Variants in DKK2 observed in about 807,000 individuals in gnomAD.
DKK2 encodes the protein dickkopf-related protein 2.
A neutral mutation model predicts 28.1 loss-of-function variants in DKK2; 11 were observed. That is an observed-to-expected ratio of 0.39 (90% CI 0.25 to 0.65). The LOEUF is 0.65. DKK2 is among the 30% of genes least tolerant of loss of function. DKK2 has a pLI of 0.47. For synonymous variants in DKK2, 135 were observed against 126.5 expected, an observed-to-expected ratio of 1.07 and a Z score of -0.45; for missense variants, 326 against 335.5, an observed-to-expected ratio of 0.97 and a Z score of 0.22.
chr4:106,964,373 G>A (rs935355697), intron 1 of DKK2, among the ~76,000 whole-genome samples: 2 of 152,022 alleles, frequency 1.3e-5, no homozygotes, highest in African/African-American at 4.8e-5. Context: ...GGGGAGAGCA[G>A]GATAAAGAAG....
intron 1 of DKK2, among the ~76,000 whole-genome samples, chr4:106,983,070 A>C (rs1169407415): frequency 2.6e-5 from 4 of 151,236 alleles, no homozygotes; most frequent in Non-Finnish European, 5.9e-5. Context: ...AGAAAGAAAG[A>C]AAAAAGAAAG....
chr4:107,007,614 C>T (rs1010408910), intron 1 of DKK2, among the ~76,000 whole-genome samples: 22 of 152,188 alleles, frequency 1.4e-4, no homozygotes, highest in African/African-American at 2.4e-4. Flanking sequence ...TGAACATGCT[C>T]GTAAATCTGA....
At position 106,924,026 on chromosome 4, in the gene DKK2, G is replaced by T. The variant is rs773296323; in HGVS notation, c.708C>A (p.Gly236=). The stretch of plus-strand genomic sequence containing the variant: ...CATCTTTCCATACTTTGCAAGACAG[G>T]CCCTTCGCACAGTCGCAACGCTGGA... ...EIFQRCDCAK[G]LSCKVWKDAT... Residue 236 remains glycine, a synonymous_variant, in exon 4 of 4, where the codon GGC becomes GGA. Coordinates refer to ENST00000285311, the MANE Select transcript of DKK2 (RefSeq NM_014421.3). 1.9e-6 allele frequency: 3 copies of T among 1,613,928 alleles called. No individual in the cohort carries two copies. The South Asian group carries it at 3.3e-5, about 18-fold the overall frequency.
intron 1 of DKK2, among the ~76,000 whole-genome samples, chr4:107,004,754 A>G (rs1336903888): frequency 6.6e-6 from 1 of 152,224 alleles, no homozygotes; most frequent in Admixed American, 6.5e-5. Flanking sequence ...ATATCTGGGA[A>G]TTAATATAAA....
At chr4:106,966,398 CAATGAAATAT>C (rs1722781538) in intron 1 of DKK2, among the ~76,000 whole-genome samples, 1 of 152,104 alleles carries the variant, frequency 6.6e-6, no homozygotes, top group Non-Finnish European at 1.5e-5. Flanking sequence ...ACATTTTACA[CAATGAAATAT>C]ATATAAGAAT....
At chr4:106,956,421 T>C (rs910369922) in intron 1 of DKK2, among the ~76,000 whole-genome samples, 8 of 152,032 alleles carry the variant, frequency 5.3e-5, no homozygotes, top group Admixed American at 4.6e-4. Flanking sequence ...CATATGGAAC[T>C]AAAAAAGAGC....
chr4:107,028,826 T>C lies in DKK2; in HGVS notation c.222+6544A>G, dbSNP rs140556362. 2.0e-3 allele frequency among the ~76,000 whole-genome samples: 298 copies of C among 152,240 alleles called. 1 individual carries two copies. Among genetic ancestry groups the C allele is most frequent in the African/African-American group, 6.7e-3 (279 of 41,544 alleles). ...AAACAAAGCCATTGCAGAGAAACCA[T>C]TGGGAAAGCCTGTGCTTCTCTGTCA... On this transcript the variant is annotated intron_variant, in intron 1 of 3. Transcript: ENST00000285311.
At chr4:106,957,272 T>C (rs1408795173) in intron 1 of DKK2, among the ~76,000 whole-genome samples, 2 of 150,268 alleles carry the variant, frequency 1.3e-5, no homozygotes, top group Non-Finnish European at 3.0e-5. Context: ...GGAGAGGATG[T>C]GGAGAAATAG....
chr4:107,003,148 G>C (rs781051657), intron 1 of DKK2, among the ~76,000 whole-genome samples: 1 of 152,072 alleles, frequency 6.6e-6, no homozygotes, highest in Non-Finnish European at 1.5e-5. Flanking sequence ...TTAGTTTTTC[G>C]TGGTTTACTG....
At chr4:106,936,938 G>A (rs867778739) in intron 1 of DKK2, among the ~76,000 whole-genome samples, 1 of 151,696 alleles carries the variant, frequency 6.6e-6, no homozygotes. Flanking sequence ...TCACCACCAG[G>A]CCTGCCCTAA....
intron 1 of DKK2, among the ~76,000 whole-genome samples, chr4:106,977,068 C>T (rs1352196576): frequency 6.6e-6 from 1 of 152,098 alleles, no homozygotes; most frequent in Non-Finnish European, 1.5e-5. Flanking sequence ...ATATTGGCCC[C>T]CACTCTCTTC....
chr4:107,017,047 T>A (rs1723619075), intron 1 of DKK2, among the ~76,000 whole-genome samples: 1 of 151,998 alleles, frequency 6.6e-6, no homozygotes. Context: ...AATGTCATAC[T>A]CATACCAGTC....
At chr4:107,030,259 AAT>A (rs1386641718) in intron 1 of DKK2, among the ~76,000 whole-genome samples, 1 of 152,060 alleles carries the variant, frequency 6.6e-6, no homozygotes, top group Non-Finnish European at 1.5e-5. Flanking sequence ...ATTAGAGAAA[AAT>A]ATGTTATTCT....
At chr4:106,988,523 C>A (rs1723158339) in intron 1 of DKK2, among the ~76,000 whole-genome samples, 1 of 152,162 alleles carries the variant, frequency 6.6e-6, no homozygotes, top group Non-Finnish European at 1.5e-5. Flanking sequence ...TCCTGTTACT[C>A]TCCTTTTAGT....
At chr4:106,924,834 C>A in intron 2 of DKK2, 134 bp from the exon 3 acceptor site, 1 of 862,958 alleles carries the variant, frequency 1.2e-6, no homozygotes, top group African/African-American at 1.7e-5. Context: ...CCCATCCATT[C>A]ATTTACTTAT....
At chr4:106,967,820 GA>G (rs879813690) in intron 1 of DKK2, among the ~76,000 whole-genome samples, 13 of 149,282 alleles carry the variant, frequency 8.7e-5, no homozygotes, top group Admixed American at 6.8e-4. Context: ...GAGGAAGAAA[GA>G]AAAAAAGGAA....
intron 1 of DKK2, among the ~76,000 whole-genome samples, chr4:106,969,429 T>C (rs1722830342): frequency 6.6e-6 from 1 of 151,828 alleles, no homozygotes; most frequent in South Asian, 2.1e-4. Flanking sequence ...CAGTCCTCTA[T>C]TCAGAAAAGC....
intron 1 of DKK2, among the ~76,000 whole-genome samples, chr4:106,945,702 T>G (rs977030731): frequency 7.2e-5 from 11 of 152,114 alleles, no homozygotes; most frequent in Non-Finnish European, 1.6e-4. Flanking sequence ...GTCTGGCTTG[T>G]TCACTGCTGA....
intron 1 of DKK2, among the ~76,000 whole-genome samples, chr4:107,025,357 C>T (rs750619775): frequency 6.6e-6 from 1 of 152,106 alleles, no homozygotes; most frequent in Non-Finnish European, 1.5e-5. Flanking sequence ...ATAGAACAGA[C>T]TGATAGAATA....
Sources: gnomAD v4.1 joint callset for allele counts (sites outside exome capture counted in the v4.1 genomes callset) on GRCh38, gnomAD v4.1.1 for gene constraint, MANE v1.5 for transcripts, NCBI Gene and HGNC (gene_info 2026-07-23, HGNC 2026-07-21) for gene names.